ZNF423: variants seen among roughly 807,000 people sequenced by gnomAD.
ZNF423 encodes zinc finger protein 423, also known as Ebf-associated zinc finger protein.
Under a neutral mutation model 95.8 loss-of-function variants are expected in ZNF423, and 12 were observed. The observed-to-expected ratio is 0.13, with a 90% CI of 0.08 to 0.20. The LOEUF is 0.20. ZNF423 is among the 10% of genes least tolerant of loss of function. The probability of loss-of-function intolerance (pLI) is 1.00; values close to 1 mark genes in which losing one functional copy is unlikely to be tolerated. For synonymous variants in ZNF423, 749 were observed against 711.9 expected (o/e 1.05, Z -0.83); for missense variants, 1,316 against 1,737.1 (o/e 0.76, Z 4.31).
At chr16:49,621,136 G>A (rs1234330697) in intron 5 of ZNF423, among the ~76,000 whole-genome samples, 1 of 152,162 alleles carries the variant, frequency 6.6e-6, no homozygotes, top group Non-Finnish European at 1.5e-5. Context: ...TGAAGGGGAG[G>A]TGGGGAAAGG....
At chr16:49,526,622 C>CA (rs1176309212) in intron 5 of ZNF423, among the ~76,000 whole-genome samples, 4 of 152,172 alleles carry the variant, frequency 2.6e-5, no homozygotes, top group Non-Finnish European at 5.9e-5. Context: ...CAGAGGGGCC[C>CA]AGGGGTCAGT....
intron 3 of ZNF423, among the ~76,000 whole-genome samples, chr16:49,717,315 T>G (rs1173749116): frequency 6.6e-6 from 1 of 152,156 alleles, no homozygotes; most frequent in Non-Finnish European, 1.5e-5. Flanking sequence ...CAGGCCCCCA[T>G]GGAACTGGTA....
chr16:49,764,868 TC>T (rs1489866414), intron 2 of ZNF423, among the ~76,000 whole-genome samples: 2 of 150,114 alleles, frequency 1.3e-5, no homozygotes, highest in Non-Finnish European at 3.0e-5. Context: ...TGCCTCAGCC[TC>T]CCCCAGTAGC....
rs778197257 is a variant in ZNF423, at chr16:49,636,906, ATCT to A, written c.2267_2269del (p.Lys756del). 8.1e-6 allele frequency: 13 copies of A among 1,613,886 alleles called. No individual in the cohort carries two copies. The highest frequency in any genetic ancestry group is 2.2e-5 in the South Asian group (2 of 91,078). ...CCAGTTGCAGGCCGTGCAGCGGTAC[ATCT>A]TCTTCTCATTGCTGTGCTTCACCGC... is the stretch of plus-strand genomic sequence containing the variant. On this transcript the variant is annotated inframe_deletion, in exon 4 of 8. Transcript: ENST00000563137. The surrounding 1 kb of genome is among the most constrained non-coding windows in gnomAD (Gnocchi z 8.6).
chr16:49,786,011 C>T lies in ZNF423; in HGVS notation c.100+3476G>A, dbSNP rs75528442. Reference sequence around the variant, plus strand: ...TGTGACTCAAAACAGGTTAAGAACTCCTCCAGCTCCACACCTCCAAGGCAC... The same window carrying T: ...TGTGACTCAAAACAGGTTAAGAACTTCTCCAGCTCCACACCTCCAAGGCAC... On this transcript the variant is annotated intron_variant, in intron 2 of 7. Transcript: ENST00000563137. Among the ~76,000 whole-genome samples the T allele has an allele frequency of 4.1e-3, 620 of 152,302 alleles. 2 individuals are homozygous for T. The highest frequency in any genetic ancestry group is 0.014 in the African/African-American group (591 of 41,562).
At chr16:49,551,812 A>C (rs1002291262) in intron 5 of ZNF423, among the ~76,000 whole-genome samples, 4 of 152,194 alleles carry the variant, frequency 2.6e-5, no homozygotes, top group Non-Finnish European at 5.9e-5. Context: ...GGCTGGGACA[A>C]GTGGAACAGC....
chr16:49,810,713 AG>A (rs1315499443), intron 1 of ZNF423, among the ~76,000 whole-genome samples: 23 of 152,354 alleles, frequency 1.5e-4, no homozygotes, highest in Admixed American at 2.0e-4. Flanking sequence ...AAATAAATAC[AG>A]GTGAGTACTC....
At chr16:49,809,690 C>T (rs1221763343) in intron 1 of ZNF423, among the ~76,000 whole-genome samples, 1 of 152,188 alleles carries the variant, frequency 6.6e-6, no homozygotes, top group South Asian at 2.1e-4. Context: ...GAGGTGGGGA[C>T]CCCCGGGTGG....
chr16:49,802,918 T>C (rs1299774864), intron 1 of ZNF423, among the ~76,000 whole-genome samples: 1 of 152,154 alleles, frequency 6.6e-6, no homozygotes, highest in Non-Finnish European at 1.5e-5. Flanking sequence ...GTATTCCGCT[T>C]TTCTAACTCA....
intron 5 of ZNF423, among the ~76,000 whole-genome samples, chr16:49,553,840 T>G (rs963497904): frequency 3.3e-5 from 5 of 152,304 alleles, no homozygotes; most frequent in Non-Finnish European, 7.4e-5. Context: ...CTCATAACAT[T>G]TTCATTAGGG....
At chr16:49,576,856 C>A (rs546772944) in intron 5 of ZNF423, among the ~76,000 whole-genome samples, 39 of 152,300 alleles carry the variant, frequency 2.6e-4, no homozygotes, top group South Asian at 4.1e-4. Context: ...TATATGTAGT[C>A]TTTGAAGTGA....
chr16:49,759,536 C>A (rs529053462), intron 2 of ZNF423, among the ~76,000 whole-genome samples: 2 of 152,316 alleles, frequency 1.3e-5, no homozygotes, highest in South Asian at 2.1e-4. Context: ...TAACAGACAA[C>A]CCTGGCGGGA....
intron 1 of ZNF423, among the ~76,000 whole-genome samples, chr16:49,804,080 T>G (rs2034624391): frequency 6.6e-6 from 1 of 151,594 alleles, no homozygotes; most frequent in Non-Finnish European, 1.5e-5. Context: ...AGATTACAGA[T>G]GCCCGCCACT....
In ZNF423 at chr16:49,637,619, A is replaced by G; in HGVS notation, c.1557T>C (p.Ser519=). 6.2e-7 allele frequency: 1 copy of G among 1,614,042 alleles called. No individual in the cohort carries two copies. Among genetic ancestry groups the G allele is most frequent in the South Asian group, 1.1e-5 (1 of 91,080 alleles). ...TGCAGAAGAAAGCATTATTACCGTCAGAGGGGTTGGCGTTGGGGCCGCAGT... is the reference window on the plus strand; with the variant it reads ...TGCAGAAGAAAGCATTATTACCGTCGGAGGGGTTGGCGTTGGGGCCGCAGT... ...VSHCGPNANP[S]DGNNAFFCNQ... The change falls in exon 4 of 8, where the codon TCT becomes TCC. Residue 519 remains serine (S), a synonymous_variant. Transcript: ENST00000563137. This position sits in a 1 kb window ranked among gnomAD's most constrained non-coding sequence, Gnocchi z 5.6.
intron 3 of ZNF423, among the ~76,000 whole-genome samples, chr16:49,642,804 T>C (rs1179374772): frequency 7.2e-6 from 1 of 137,944 alleles, no homozygotes; most frequent in Non-Finnish European, 1.5e-5. Context: ...CTCTTTTCTT[T>C]TTTTTTTTTT....
intron 4 of ZNF423, among the ~76,000 whole-genome samples, chr16:49,627,671 CCCATATACCCATTCATCCATCCT>C (rs1016092025): frequency 2.0e-5 from 3 of 150,572 alleles, no homozygotes; most frequent in Non-Finnish European, 3.0e-5. Context: ...CACACACATA[CCCATATACCCATTCATCCATCCT>C]CCATCTACCC....
chr16:49,659,208 C>A (rs1358847920), intron 3 of ZNF423, among the ~76,000 whole-genome samples: 1 of 152,196 alleles, frequency 6.6e-6, no homozygotes, highest in Non-Finnish European at 1.5e-5. Flanking sequence ...CCCACCTCAG[C>A]CTCCCAAGTA....
chr16:49,526,617 G>A (rs1469805883), intron 5 of ZNF423, among the ~76,000 whole-genome samples: 1 of 152,206 alleles, frequency 6.6e-6, no homozygotes, highest in Non-Finnish European at 1.5e-5. Flanking sequence ...GAGGACAGAG[G>A]GGCCCAGGGG....
intron 2 of ZNF423, among the ~76,000 whole-genome samples, chr16:49,747,587 G>A (rs566948023): frequency 4.6e-5 from 7 of 151,314 alleles, no homozygotes; most frequent in Admixed American, 1.3e-4. Flanking sequence ...CTGGGTGAAC[G>A]ATTCCTTAAG....
Sources: gnomAD v4.1 joint callset for allele counts (sites outside exome capture counted in the v4.1 genomes callset) on GRCh38, gnomAD v4.1.1 for gene constraint, Gnocchi (gnomAD v3.1) non-coding constraint, MANE v1.5 for transcripts, NCBI Gene and HGNC (gene_info 2026-07-23, HGNC 2026-07-21) for gene names.